ZNF546: variants seen among roughly 807,000 people sequenced by gnomAD.
The protein encoded by ZNF546 is CTC-471F3.6.
ZNF546 carries 60 observed loss-of-function variants against 76.2 expected under a neutral mutation model. The observed-to-expected ratio is 0.79, with a 90% CI of 0.64 to 0.98. ZNF546 has a LOEUF of 0.98. Ranked by LOEUF, ZNF546 falls within the 50% of genes least tolerant of loss-of-function variation. The pLI is 0.00. For synonymous variants in ZNF546, 277 were observed against 328.1 expected, an observed-to-expected ratio of 0.84 and a Z score of 1.68; for missense variants, 936 against 1,035.6, an observed-to-expected ratio of 0.90 and a Z score of 1.32.
At chr19:40,004,864 A>G (rs1390361868) in intron 3 of ZNF546, among the ~76,000 whole-genome samples, 1 of 152,110 alleles carries the variant, frequency 6.6e-6, no homozygotes, top group Non-Finnish European at 1.5e-5. Flanking sequence ...ATATCTACTT[A>G]ATATTCTGTT....
intron 3 of ZNF546, among the ~76,000 whole-genome samples, chr19:40,002,690 G>A (rs1247630122): frequency 2.7e-5 from 4 of 149,772 alleles, no homozygotes; most frequent in African/African-American, 1.0e-4. Flanking sequence ...GTGTGACTGG[G>A]AAACTAACTT....
Position 40,013,779 on chromosome 19 carries a change from C to T in ZNF546, c.509C>T (p.Thr170Ile), listed in dbSNP as rs1481666727. 1.9e-6 allele frequency: 3 copies of T among 1,613,528 alleles called. No homozygotes were observed. The African/African-American group carries it at 4.0e-5, about 22-fold the overall frequency. Residue 170 changes from threonine (T) to isoleucine (I), a missense_variant, in exon 7 of 7, where the codon ACC (threonine) becomes ATC (isoleucine). By Grantham distance (89) the Thr-to-Ile change is moderately conservative. Transcript: ENST00000347077. ...EKSKNTIHED[T>I]IFRNGLQCKH... The stretch of plus-strand genomic sequence containing the variant: ...AGTAAAAACACCATCCATGAGGACA[C>T]CATTTTCAGAAATGGTTTGCAGTGT...
chr19:39,998,292 T>A lies in ZNF546; in HGVS notation c.-35T>A. The A allele has an allele frequency of 6.4e-7, 1 of 1,555,542 alleles. No individual in the cohort carries two copies. On this transcript the variant is annotated 5_prime_UTR_variant, in exon 3 of 7. Transcript: ENST00000347077. ...GCTTTTCCTGAATTGTCCAGTGACC[T>A]ATCCCAGGCCTTCCTTTCCAGTGAA...
intron 3 of ZNF546, among the ~76,000 whole-genome samples, chr19:40,004,524 C>T (rs1971577878): frequency 6.6e-6 from 1 of 152,164 alleles, no homozygotes; most frequent in Non-Finnish European, 1.5e-5. Context: ...CCACCTCGGC[C>T]TCCCAGCGTG....
intron 3 of ZNF546, 32 bp downstream of exon 3, chr19:39,998,442 T>A: frequency 2.6e-6 from 4 of 1,566,422 alleles, no homozygotes; most frequent in Non-Finnish European, 3.5e-6. Flanking sequence ...AGTCTAAAGT[T>A]AAAACTTTGT....
In ZNF546 at chr19:40,016,686, C is replaced by A. The variant is rs905902780; in HGVS notation, c.*905C>A. On this transcript the variant is annotated 3_prime_UTR_variant, in exon 7 of 7. Transcript: ENST00000347077. ...TGGTATCTATAACTTTTGCAGAGAC[C>A]AGAAGCAAACAATTTGTGGGCCAGT... The A allele has an allele frequency of 3.3e-5, 5 of 152,108 alleles. No individual in the cohort carries two copies. Among genetic ancestry groups the A allele is most frequent in the Non-Finnish European group, 7.3e-5 (5 of 68,034 alleles). 9.4% of individuals were successfully genotyped at this position (152,108 alleles called of 1,614,324 possible).
Position 40,014,403 on chromosome 19 carries a change from T to C in ZNF546, c.1133T>C (p.Ile378Thr). The change falls in exon 7 of 7, where the codon ATT (isoleucine) becomes ACT (threonine). Residue 378 changes from isoleucine (I) to threonine (T), a missense_variant. Ile to Thr is a moderately conservative substitution (Grantham distance 89, BLOSUM62 -1). Transcript: ENST00000347077. ...CGACATATTAGTCAACATCAGAAAA[T>C]TCATACTGGTGTCAAACCCTATAAA... is the stretch of plus-strand genomic sequence containing the variant. ...VQRHISQHQKIHTGVKPYKCN... is the reference protein window; with the variant it reads ...VQRHISQHQKTHTGVKPYKCN... 1 of 1,613,998 alleles carries C rather than the reference T, an allele frequency of 6.2e-7. No homozygotes were observed. The highest frequency in any genetic ancestry group is 8.5e-7 in the Non-Finnish European group (1 of 1,179,998).
At chr19:40,012,332 A>G (rs1390627560) in intron 6 of ZNF546, among the ~76,000 whole-genome samples, 1 of 152,210 alleles carries the variant, frequency 6.6e-6, no homozygotes, top group Admixed American at 6.5e-5. Context: ...TTTTGGATGT[A>G]TCTTTGTTCC....
At chr19:40,005,328 A>G (rs991985899) in intron 3 of ZNF546, among the ~76,000 whole-genome samples, 1 of 152,088 alleles carries the variant, frequency 6.6e-6, no homozygotes, top group African/African-American at 2.4e-5. Flanking sequence ...CCTAACCTGC[A>G]TGCATCTTAA....
Position 40,019,848 on chromosome 19 carries a change from TC to T in ZNF546, c.*4069del, listed in dbSNP as rs948244840. The T allele has an allele frequency of 6.6e-6, 1 of 152,228 alleles. No individual in the cohort carries two copies. Among genetic ancestry groups the T allele is most frequent in the African/African-American group, 2.4e-5 (1 of 41,460 alleles). 9.4% of individuals were successfully genotyped at this position (152,228 alleles called of 1,614,324 possible). A position where few individuals can be genotyped will look rare whatever the true frequency, so the allele number is the denominator to read the frequency against. Reference sequence around the variant, plus strand: ...TTAATGATGGGAAAGGAAGAGCTGATCCAGTCCAAGTATCTTCAAGATCCAT... The same window carrying T: ...TTAATGATGGGAAAGGAAGAGCTGATCAGTCCAAGTATCTTCAAGATCCAT... On this transcript the variant is annotated 3_prime_UTR_variant, in exon 7 of 7. Coordinates refer to ENST00000347077, the MANE Select transcript of ZNF546 (RefSeq NM_178544.5).
intron 6 of ZNF546, among the ~76,000 whole-genome samples, chr19:40,011,687 T>TA (rs1394364857): frequency 2.6e-5 from 4 of 152,256 alleles, no homozygotes; most frequent in Non-Finnish European, 5.9e-5. Flanking sequence ...AAGAAATCTA[T>TA]AAGTCAGTAT....
rs1971764314 is a variant in ZNF546, at chr19:40,016,128, G to A, written c.*347G>A. The A allele has an allele frequency of 7.5e-6, 2 of 266,740 alleles. No individual in the cohort carries two copies. The highest frequency in any genetic ancestry group is 4.4e-5 in the South Asian group (1 of 22,898). The allele number at this position is 266,740 out of a possible 1,614,324, so 16.5% of individuals were successfully genotyped here. On this transcript the variant is annotated 3_prime_UTR_variant, in exon 7 of 7. Transcript: ENST00000347077. ...AAGACAGGAGTTCGAAACCAGCCTG[G>A]GCAACATAGTGAGACCCTGCCTCAT... is the stretch of plus-strand genomic sequence containing the variant.
chr19:40,007,943 A>G (rs1378042526), intron 5 of ZNF546, among the ~76,000 whole-genome samples: 1 of 152,228 alleles, frequency 6.6e-6, no homozygotes, highest in African/African-American at 2.4e-5. Context: ...TCTGAGGAAG[A>G]ACCTGGAAAT....
chr19:40,007,739 A>C (rs1971622323), intron 5 of ZNF546, among the ~76,000 whole-genome samples: 1 of 152,212 alleles, frequency 6.6e-6, no homozygotes, highest in African/African-American at 2.4e-5. Flanking sequence ...ACAAGACAAC[A>C]GCTAGTCTCA....
At chr19:40,011,504 G>A (rs1012880744) in intron 6 of ZNF546, among the ~76,000 whole-genome samples, 2 of 152,116 alleles carry the variant, frequency 1.3e-5, no homozygotes, top group African/African-American at 4.8e-5. Context: ...GATTACAGGC[G>A]TGAGCCACTG....
At chr19:40,004,254 G>T (rs773276087) in intron 3 of ZNF546, among the ~76,000 whole-genome samples, 23 of 151,228 alleles carry the variant, frequency 1.5e-4, no homozygotes, top group Admixed American at 6.6e-4. Context: ...GTATGCCGGT[G>T]TGTATATTTT....
rs772100153 is a variant in ZNF546 at position 40,015,421 on chromosome 19, T to C, written c.2151T>C (p.Gly717=). 1 of 1,614,098 alleles carries C rather than the reference T, an allele frequency of 6.2e-7. No homozygotes were observed. Among genetic ancestry groups the C allele is most frequent in the Non-Finnish European group, 8.5e-7 (1 of 1,180,046 alleles). ...RLTLHQRIHT[G]ELPYECKECG... is the part of the protein sequence containing the mutation. ...CATTACATCAAAGAATTCACACTGG[T>C]GAGCTTCCATATGAATGTAAGGAAT... Residue 717 remains glycine, a synonymous_variant, in exon 7 of 7, where the codon GGT becomes GGC. Transcript: ENST00000347077.
At chr19:40,002,905 G>T (rs919832650) in intron 3 of ZNF546, among the ~76,000 whole-genome samples, 1 of 151,996 alleles carries the variant, frequency 6.6e-6, no homozygotes, top group African/African-American at 2.4e-5. Context: ...TCACTATATT[G>T]GCCAGGCTGG....
chr19:40,008,596 C>A, intron 6 of ZNF546, 31 bp downstream of exon 6: 1 of 1,570,364 alleles, frequency 6.4e-7, no homozygotes, highest in Non-Finnish European at 8.8e-7. Context: ...CGGGAGGGTG[C>A]TATCACAAGT....
Sources: gnomAD v4.1 joint callset for allele counts (sites outside exome capture counted in the v4.1 genomes callset) on GRCh38, gnomAD v4.1.1 for gene constraint, MANE v1.5 for transcripts, NCBI Gene and HGNC (gene_info 2026-07-23, HGNC 2026-07-21) for gene names.